The following LARP1B variants were observed in gnomAD, a reference collection of about 807,000 sequenced individuals.
LARP1B encodes la-related protein 1B.
Under a neutral mutation model 114.2 loss-of-function variants are expected in LARP1B, and 76 were observed. The ratio of observed to expected loss-of-function variants is 0.67; its 90% confidence interval spans 0.55 to 0.81. The LOEUF (loss-of-function observed/expected upper bound fraction) is 0.81. LARP1B is among the 30% of genes least tolerant of loss of function. The pLI, the probability that LARP1B is intolerant of heterozygous loss-of-function variation, is 0.00. For synonymous variants in LARP1B, 345 were observed against 348.0 expected, an observed-to-expected ratio of 0.99 and a Z score of 0.10; for missense variants, 1,014 against 1,075.8, an observed-to-expected ratio of 0.94 and a Z score of 0.80.
intron 12 of LARP1B, among the ~76,000 whole-genome samples, chr4:128,171,204 C>G (rs1472520891): frequency 2.0e-5 from 3 of 151,996 alleles, no homozygotes; most frequent in Non-Finnish European, 2.9e-5. Flanking sequence ...TCATGGCTCA[C>G]TGCAGCCTCA....
intron 1 of LARP1B, among the ~76,000 whole-genome samples, chr4:128,066,477 CTTTT>C (rs376383374): frequency 1.7e-5 from 2 of 120,428 alleles, no homozygotes. Flanking sequence ...TGCGCCCGGC[CTTTT>C]TTTTTTTTTT....
Position 128,177,326 on chromosome 4 carries a change from C to A in LARP1B, c.1684+419C>A, listed in dbSNP as rs995802926. 4.6e-5 allele frequency among the ~76,000 whole-genome samples: 7 copies of A among 152,122 alleles called. No individual in the cohort carries two copies. The South Asian group carries it at 1.5e-3, about 32-fold the overall frequency. On this transcript the variant is annotated intron_variant, in intron 13 of 19. Coordinates refer to ENST00000326639, the MANE Select transcript of LARP1B (RefSeq NM_018078.4). ...AGAATAGTGCTTGGCAAATAGCGGG[C>A]ACTTAGTATTTGTTGAGTGAAAAAA...
chr4:128,116,430 A>C (rs1036032948), intron 10 of LARP1B, among the ~76,000 whole-genome samples: 50 of 152,218 alleles, frequency 3.3e-4, no homozygotes, highest in African/African-American at 1.2e-3. Context: ...AGTTCACTAA[A>C]AATAAACTTG....
chr4:128,091,306 C>T (rs1489992560), intron 6 of LARP1B, 41 bp from the exon 7 acceptor site: 2 of 1,551,746 alleles, frequency 1.3e-6, no homozygotes, highest in Admixed American at 1.9e-5. Flanking sequence ...CTATTTTTTT[C>T]TAATATGTGA....
Position 128,210,827 on chromosome 4 carries a change from C to G in LARP1B, c.*774C>G, listed in dbSNP as rs183745641. 3.1e-6 allele frequency: 3 copies of G among 983,544 alleles called. No homozygotes were observed. Among genetic ancestry groups the G allele is most frequent in the Admixed American group, 1.2e-4 (2 of 16,166 alleles). 60.9% of individuals were successfully genotyped at this position (983,544 alleles called of 1,614,324 possible). A position where few individuals can be genotyped will look rare whatever the true frequency, so the allele number is the denominator to read the frequency against. On this transcript the variant is annotated 3_prime_UTR_variant, in exon 20 of 20. Coordinates refer to ENST00000326639, the MANE Select transcript of LARP1B (RefSeq NM_018078.4). ...TTTTATGATTCTATATAAACGTGCA[C>G]GAGTAATTTAAAACCTGCATTGGGA...
Position 128,082,297 on chromosome 4 carries a change from A to T in LARP1B, c.350A>T (p.Asp117Val). Residue 117 changes from aspartate (D) to valine (V), a missense_variant, in exon 5 of 20, where the codon GAT becomes GTT. Asp to Val is a radical substitution (Grantham distance 152, BLOSUM62 -3). Transcript: ENST00000326639. ...CCAACACATAACAATAGGAGAAATG[A>T]TACACGAAGTAAGTTACCATTCTAA... ...NKPTHNNRRNDTRSWKRDREK... is the reference protein window; with the variant it reads ...NKPTHNNRRNVTRSWKRDREK... The T allele has an allele frequency of 6.2e-7, 1 of 1,613,710 alleles. No individual in the cohort carries two copies. Among genetic ancestry groups the T allele is most frequent in the Non-Finnish European group, 8.5e-7 (1 of 1,179,760 alleles).
chr4:128,221,497 C>T (rs761944234), intron 7 of LARP1B, among the ~76,000 whole-genome samples: 7 of 152,142 alleles, frequency 4.6e-5, no homozygotes, highest in Non-Finnish European at 7.4e-5. Context: ...TGGTTTCTAA[C>T]AATATACTGC....
At chr4:128,188,405 C>G (rs1006219013) in intron 15 of LARP1B, among the ~76,000 whole-genome samples, 2 of 152,048 alleles carry the variant, frequency 1.3e-5, no homozygotes, top group African/African-American at 4.8e-5. Context: ...GTGAGAACAG[C>G]CTAATACATC....
At chr4:128,081,148 G>T (rs528146127) in intron 4 of LARP1B, among the ~76,000 whole-genome samples, 2 of 148,598 alleles carry the variant, frequency 1.3e-5, no homozygotes, top group Non-Finnish European at 3.0e-5. Context: ...GCACGATCTC[G>T]GCTCACTGCA....
At chr4:128,128,770 AAC>A (rs1561335171) in intron 11 of LARP1B, among the ~76,000 whole-genome samples, 1 of 152,194 alleles carries the variant, frequency 6.6e-6, no homozygotes, top group Non-Finnish European at 1.5e-5. Flanking sequence ...TGTACAAAAA[AAC>A]ACAATACAAT....
intron 11 of LARP1B, among the ~76,000 whole-genome samples, chr4:128,145,126 T>C (rs1299261298): frequency 6.6e-6 from 1 of 152,222 alleles, no homozygotes; most frequent in African/African-American, 2.4e-5. Flanking sequence ...CTTGGAATTG[T>C]GTAGACTTAT....
At chr4:128,087,438 TA>T (rs1392695552) in intron 5 of LARP1B, among the ~76,000 whole-genome samples, 3 of 152,164 alleles carry the variant, frequency 2.0e-5, no homozygotes, top group Non-Finnish European at 2.9e-5. Flanking sequence ...GTATTTTGAT[TA>T]AAAAAATTTC....
rs187142100 is a variant in LARP1B, at chr4:128,146,439, C to G, written c.1525-15755C>G. 1.2e-3 allele frequency among the ~76,000 whole-genome samples: 175 copies of G among 152,076 alleles called. 5 individuals are homozygous for G. The East Asian group carries it at 0.024, about 21-fold the overall frequency. On this transcript the variant is annotated intron_variant, in intron 11 of 19. Transcript: ENST00000326639. Reference sequence around the variant, plus strand: ...TATTTTTGTATATGTTAGAAAAATTCCAAAGTAAAGAAGTTTTAAAAGTTT... The same window carrying G: ...TATTTTTGTATATGTTAGAAAAATTGCAAAGTAAAGAAGTTTTAAAAGTTT...
intron 7 of LARP1B, among the ~76,000 whole-genome samples, chr4:128,094,422 A>T: frequency 8.4e-6 from 1 of 118,440 alleles, no homozygotes. Context: ...TTTTTTTGAG[A>T]CATTGTCTCA....
At chr4:128,085,512 C>G (rs868304492) in intron 5 of LARP1B, among the ~76,000 whole-genome samples, 1 of 151,740 alleles carries the variant, frequency 6.6e-6, no homozygotes, top group Non-Finnish European at 1.5e-5. Flanking sequence ...ATGACAGGTG[C>G]GTGCCACCAT....
rs1757885156 is a variant in LARP1B at position 128,207,324 on chromosome 4, G to A, written c.2488G>A (p.Asp830Asn). ...KYSQSKTQSI[D>N]PKLQEYLCSF... ...TTCTCAATCTAAGACACAGTCTATT[G>A]ACCCAAAACTTCAGGAATACCTCTG... Residue 830 changes from aspartate (D) to asparagine (N), a missense_variant, in exon 19 of 20, where the codon GAC becomes AAC. Transcript: ENST00000326639. 6.4e-7 allele frequency: 1 copy of A among 1,563,648 alleles called. No homozygotes were observed. The highest frequency in any genetic ancestry group is 1.4e-5 in the African/African-American group (1 of 73,440).
chr4:128,070,097 T>A (rs1279908104), intron 1 of LARP1B, among the ~76,000 whole-genome samples: 1 of 152,100 alleles, frequency 6.6e-6, no homozygotes, highest in Non-Finnish European at 1.5e-5. Flanking sequence ...GGTGGGCGGA[T>A]CATGAGGTCG....
chr4:128,098,684 C>T (rs987512827), intron 8 of LARP1B, among the ~76,000 whole-genome samples: 1 of 138,138 alleles, frequency 7.2e-6, no homozygotes, highest in Non-Finnish European at 1.5e-5. Context: ...AGTACAACGG[C>T]GCAATCAAAC....
At chr4:128,102,136 A>G (rs981174094) in intron 8 of LARP1B, among the ~76,000 whole-genome samples, 2 of 152,246 alleles carry the variant, frequency 1.3e-5, no homozygotes, top group African/African-American at 2.4e-5. Context: ...TTAGAAGAAC[A>G]TAAGTCTGCA....
Sources: gnomAD v4.1 joint callset for allele counts (sites outside exome capture counted in the v4.1 genomes callset) on GRCh38, gnomAD v4.1.1 for gene constraint, MANE v1.5 for transcripts, NCBI Gene and HGNC (gene_info 2026-07-23, HGNC 2026-07-21) for gene names.